Variants in ARL10 observed in about 807,000 individuals in gnomAD.
ARL10 encodes the protein ARF like GTPase 10.
In ARL10, 23 loss-of-function variants were observed where a neutral mutation model predicts 26.1. That is an observed-to-expected ratio of 0.88 (90% CI 0.63 to 1.25). The LOEUF is 1.25. Among genes scored for constraint, ARL10 ranks in the 50% most tolerant of loss-of-function variants. The pLI, the probability that ARL10 is intolerant of heterozygous loss-of-function variation, is 0.00. For missense variants in ARL10, 300 were observed against 323.6 expected, an observed-to-expected ratio of 0.93 and a Z score of 0.56; for synonymous variants, 138 against 149.1, an observed-to-expected ratio of 0.93 and a Z score of 0.54.
chr5:176,410,561 A>T, the ARL10 span, among the ~76,000 whole-genome samples: 174 of 152,318 alleles, frequency 1.1e-3, 1 homozygote, highest in African/African-American at 3.9e-3. Flanking sequence ...CATTTTACAG[A>T]TACTCAAGCT....
rs1375144476 is a variant in ARL10, at chr5:176,371,977, C to T, written c.*82C>T. The T allele has an allele frequency of 2.6e-6, 4 of 1,524,964 alleles. No homozygotes were observed. The highest frequency in any genetic ancestry group is 2.8e-5 in the African/African-American group (2 of 72,310). 94.5% of individuals were successfully genotyped at this position (1,524,964 alleles called of 1,614,324 possible). ...CTTCATTGCCAGACTGGGCCTGGGG[C>T]AAGAGCCACATGGCAGCATTTCCCT... On this transcript the variant is annotated 3_prime_UTR_variant, in exon 4 of 4. Transcript: ENST00000310389.
chr5:176,410,313 G>A, the ARL10 span: 1 of 1,613,180 alleles, frequency 6.2e-7, no homozygotes, highest in South Asian at 1.1e-5. Context: ...GCTGGAAAGA[G>A]AACAAGGAGA....
intron 1 of ARL10, among the ~76,000 whole-genome samples, chr5:176,399,747 T>TA (rs1489144108): frequency 6.7e-6 from 1 of 148,634 alleles, no homozygotes; most frequent in African/African-American, 2.5e-5. Flanking sequence ...TACAAAAAAT[T>TA]AGCCAGGTGT....
chr5:176,376,930 T>G lies in ARL10; in HGVS notation c.*5035T>G, dbSNP rs1281125723. The G allele has an allele frequency of 6.6e-6, 1 of 152,228 alleles. No homozygotes were observed. Among genetic ancestry groups the G allele is most frequent in the African/African-American group, 2.4e-5 (1 of 41,468 alleles). 9.4% of individuals were successfully genotyped at this position (152,228 alleles called of 1,614,324 possible). On this transcript the variant is annotated 3_prime_UTR_variant, in exon 4 of 4. Transcript: ENST00000310389. ...GAAGACCTAGTCTCAGGTTACAGAT[T>G]GTGAAGGCTTTGATGGTCCTCTGTG...
chr5:176,409,829 T>A, the ARL10 span, among the ~76,000 whole-genome samples: 1 of 152,236 alleles, frequency 6.6e-6, no homozygotes, highest in East Asian at 1.9e-4. Flanking sequence ...CTGCAAAGAA[T>A]CTGGGTGGCC....
intron 1 of ARL10, among the ~76,000 whole-genome samples, chr5:176,394,517 C>CA (rs1159686339): frequency 6.6e-6 from 1 of 151,682 alleles, no homozygotes; most frequent in African/African-American, 2.4e-5. Context: ...ACTAAAAATA[C>CA]AAAAAATTAG....
rs1236824643 is a variant in ARL10 at position 176,376,550 on chromosome 5, T to C, written c.*4655T>C. ...CTTTGCTAAAGCCGGCCCCAGATTA[T>C]GGTCCCACGGATTTTCCCATAAAGA... On this transcript the variant is annotated 3_prime_UTR_variant, in exon 4 of 4. Transcript: ENST00000310389. The C allele has an allele frequency of 6.6e-6, 1 of 152,206 alleles. No individual in the cohort carries two copies. Among genetic ancestry groups the C allele is most frequent in the Non-Finnish European group, 1.5e-5 (1 of 68,034 alleles). The allele number at this position is 152,206 out of a possible 1,614,324, so 9.4% of individuals were successfully genotyped here. A position where few individuals can be genotyped will look rare whatever the true frequency, so the allele number is the denominator to read the frequency against.
At chr5:176,399,036 G>A (rs1180102614) in intron 1 of ARL10, among the ~76,000 whole-genome samples, 3 of 151,982 alleles carry the variant, frequency 2.0e-5, no homozygotes, top group Admixed American at 6.6e-5. Context: ...TAGAGACGGG[G>A]TTTCTCCATG....
At chr5:176,406,571 G>C (rs1419705944), downstream of ARL10, 3 of 1,288,844 alleles carry the variant, frequency 2.3e-6, no homozygotes, top group South Asian at 3.7e-5. Flanking sequence ...GTGCAGAGGT[G>C]GGGAGGCGGA....
At chr5:176,407,195 T>C in the ARL10 span, among the ~76,000 whole-genome samples, 1 of 152,112 alleles carries the variant, frequency 6.6e-6, no homozygotes, top group Admixed American at 6.6e-5. Flanking sequence ...TCAAATGGGG[T>C]GCACTCCAGA....
the ARL10 span, among the ~76,000 whole-genome samples, chr5:176,408,539 G>GA: frequency 1.9e-3 from 224 of 118,528 alleles, no homozygotes; most frequent in East Asian, 3.4e-3. Flanking sequence ...TCCATCTCAG[G>GA]AAAAAAAAAA....
chr5:176,378,518 C>T lies in ARL10; in HGVS notation c.*6623C>T, dbSNP rs898807206. On this transcript the variant is annotated 3_prime_UTR_variant, in exon 4 of 4. Transcript: ENST00000310389. ...AACCCTCTTTGTTTCCATAACATGC[C>T]AAAATTGTGGACTGCAAAGGCATGT... 9 of 152,102 alleles carry T rather than the reference C, an allele frequency of 5.9e-5. No homozygotes were observed. Among genetic ancestry groups the T allele is most frequent in the Non-Finnish European group, 1.3e-4 (9 of 68,028 alleles). 9.4% of individuals were successfully genotyped at this position (152,102 alleles called of 1,614,324 possible).
rs151022025 is a variant in ARL10 at position 176,394,997 on chromosome 5, C to T, written c.134-6744C>T. On this transcript the variant is annotated intron_variant, in intron 1 of 1. Transcript: ENST00000514533. Reference sequence around the variant, plus strand: ...GAAGCCTCCTGTGGCTCCCCACTGCCTTCTGGATCAAGTCTGAGCTCAGCC... The same window carrying T: ...GAAGCCTCCTGTGGCTCCCCACTGCTTTCTGGATCAAGTCTGAGCTCAGCC... Among the ~76,000 whole-genome samples the T allele has an allele frequency of 5.4e-4, 82 of 152,204 alleles. 3 individuals are homozygous for T. In the East Asian group the frequency reaches 0.015, roughly 28 times the overall value.
At chr5:176,367,298 C>G (rs1418643248) in intron 2 of ARL10, among the ~76,000 whole-genome samples, 1 of 152,004 alleles carries the variant, frequency 6.6e-6, no homozygotes, top group African/African-American at 2.4e-5. Context: ...CGTAAGCCAT[C>G]GCACCCCACC....
At position 176,368,688 on chromosome 5, in the gene ARL10, G is replaced by C; in HGVS notation, c.386-119G>C. ...GGGGTGGGGGCTGTGGGCAGTGAGC[G>C]GGGGCCCGGGGTGGGGTGGGGGCTG... On this transcript the variant is annotated intron_variant, in intron 2 of 3. Coordinates refer to ENST00000310389, the MANE Select transcript of ARL10 (RefSeq NM_173664.6). This position sits in a 1 kb window ranked among gnomAD's most constrained non-coding sequence, Gnocchi z 4.1. The C allele has an allele frequency of 8.2e-7, 1 of 1,223,364 alleles. No individual in the cohort carries two copies. Among genetic ancestry groups the C allele is most frequent in the Non-Finnish European group, 1.1e-6 (1 of 913,434 alleles). 75.8% of individuals were successfully genotyped at this position (1,223,364 alleles called of 1,614,324 possible). A position where few individuals can be genotyped will look rare whatever the true frequency, so the allele number is the denominator to read the frequency against.
downstream of ARL10, chr5:176,388,785 G>A: frequency 1.2e-6 from 2 of 1,603,312 alleles, no homozygotes; most frequent in Non-Finnish European, 1.7e-6. Flanking sequence ...GCTGAGGTCG[G>A]AGTCCCGATT....
intron 2 of ARL10, among the ~76,000 whole-genome samples, chr5:176,366,803 C>A (rs1768326347): frequency 6.6e-6 from 1 of 152,150 alleles, no homozygotes; most frequent in Admixed American, 6.5e-5. Flanking sequence ...TGCCCCATCA[C>A]CCCTACCAAA....
chr5:176,401,864 T>C (rs1476093530), exon 2 of ARL10: 2 of 438,774 alleles, frequency 4.6e-6, no homozygotes, highest in East Asian at 1.4e-4. Context: ...GGGCCTGTCA[T>C]CACAATCTCT....
At position 176,365,755 on chromosome 5, in the gene ARL10, C is replaced by T. The variant is rs1172138716; in HGVS notation, c.183+9C>T. 2 of 1,234,634 alleles carry T rather than the reference C, an allele frequency of 1.6e-6. No individual in the cohort carries two copies. Among genetic ancestry groups the T allele is most frequent in the East Asian group, 6.3e-5 (2 of 31,614 alleles). 76.5% of individuals were successfully genotyped at this position (1,234,634 alleles called of 1,614,324 possible). On this transcript the variant is annotated intron_variant, in intron 1 of 3. Transcript: ENST00000310389. ...AGTGGGACGAGTGGGACGTGAGTGC[C>T]GGGCCGAGGCCTGCGGAAGGGCGGG... is the stretch of plus-strand genomic sequence containing the variant.
Sources: allele counts gnomAD v4.1 joint callset (sites outside exome capture counted in the v4.1 genomes callset), GRCh38; gene constraint gnomAD v4.1.1; non-coding constraint Gnocchi (gnomAD v3.1); transcripts MANE v1.5; gene names NCBI Gene and HGNC (gene_info 2026-07-23, HGNC 2026-07-21).